HPSE2: variants seen among roughly 807,000 people sequenced by gnomAD.
The protein encoded by HPSE2 is inactive heparanase-2.
A neutral mutation model predicts 60.5 loss-of-function variants in HPSE2; 38 were observed. That is an observed-to-expected ratio of 0.63 (90% CI 0.48 to 0.82). The LOEUF is 0.82. Ranked by LOEUF, HPSE2 falls within the 40% of genes least tolerant of loss-of-function variation. The pLI, the probability that HPSE2 is intolerant of heterozygous loss-of-function variation, is 0.00. For synonymous variants in HPSE2, 295 were observed against 293.2 expected (o/e 1.01, Z -0.06); for missense variants, 713 against 740.4 (o/e 0.96, Z 0.43).
At chr10:99,215,470 G>C (rs1484337671) in intron 2 of HPSE2, among the ~76,000 whole-genome samples, 2 of 152,166 alleles carry the variant, frequency 1.3e-5, no homozygotes, top group Non-Finnish European at 1.5e-5. Context: ...GGCGGGGTAG[G>C]GGGGCGAAAG....
intron 3 of HPSE2, among the ~76,000 whole-genome samples, chr10:98,838,452 C>G (rs1951840254): frequency 6.7e-6 from 1 of 149,474 alleles, no homozygotes. Flanking sequence ...ATAATCCAGG[C>G]CTGATTCATT....
chr10:98,654,184 T>C (rs1946996781), intron 6 of HPSE2, among the ~76,000 whole-genome samples: 1 of 152,186 alleles, frequency 6.6e-6, no homozygotes, highest in Non-Finnish European at 1.5e-5. Flanking sequence ...GTAGTTTTCT[T>C]GGAATTTATC....
chr10:99,081,153 C>T (rs995262992), intron 3 of HPSE2, among the ~76,000 whole-genome samples: 3 of 152,182 alleles, frequency 2.0e-5, no homozygotes, highest in African/African-American at 7.2e-5. Flanking sequence ...AGTGTGCAAA[C>T]ATCCGAAGGT....
chr10:98,543,869 CAAT>C (rs1230827611), intron 9 of HPSE2, among the ~76,000 whole-genome samples: 2 of 151,950 alleles, frequency 1.3e-5, no homozygotes, highest in African/African-American at 4.8e-5. Flanking sequence ...GACTCCCACA[CAAT>C]AATAATGGGA....
At chr10:98,788,911 C>G (rs560306544) in intron 3 of HPSE2, among the ~76,000 whole-genome samples, 1 of 152,144 alleles carries the variant, frequency 6.6e-6, no homozygotes, top group African/African-American at 2.4e-5. Context: ...TCTTCTGCGT[C>G]GCTCACGCTG....
At chr10:98,603,573 G>A (rs1322080205) in intron 9 of HPSE2, among the ~76,000 whole-genome samples, 4 of 151,778 alleles carry the variant, frequency 2.6e-5, no homozygotes, top group African/African-American at 9.7e-5. Context: ...GGGACTACAG[G>A]CACACACCAC....
In HPSE2 at chr10:98,459,394, A is replaced by G. The variant is rs1940178219; in HGVS notation, c.*180T>C. The G allele has an allele frequency of 3.2e-5, 23 of 726,118 alleles. No individual in the cohort carries two copies. The highest frequency in any genetic ancestry group is 2.9e-5 in the Non-Finnish European group (12 of 411,774). 45.0% of individuals were successfully genotyped at this position (726,118 alleles called of 1,614,324 possible). A position where few individuals can be genotyped will look rare whatever the true frequency, so the allele number is the denominator to read the frequency against. On this transcript the variant is annotated 3_prime_UTR_variant, in exon 12 of 12. Transcript: ENST00000370552. ...TTTTCCTTTGGGATGGATGTGGCCT[A>G]CCTAGGCTAAGATCACGCTATGACA...
chr10:99,156,469 C>T (rs1209530686), intron 2 of HPSE2, among the ~76,000 whole-genome samples: 1 of 136,286 alleles, frequency 7.3e-6, no homozygotes, highest in African/African-American at 2.6e-5. Context: ...TAAATGTAAT[C>T]CAGCATATAA....
intron 3 of HPSE2, among the ~76,000 whole-genome samples, chr10:99,104,288 G>GA (rs1317043108): frequency 4.0e-5 from 6 of 151,850 alleles, no homozygotes; most frequent in African/African-American, 7.3e-5. Context: ...AAATTTACAA[G>GA]AAAAAAACAA....
At chr10:98,712,644 T>C (rs1478818256) in intron 5 of HPSE2, among the ~76,000 whole-genome samples, 1 of 152,150 alleles carries the variant, frequency 6.6e-6, no homozygotes, top group Non-Finnish European at 1.5e-5. Flanking sequence ...TGGTCTGCCG[T>C]GGTGGCAAAG....
intron 6 of HPSE2, among the ~76,000 whole-genome samples, chr10:98,665,727 C>A (rs781517907): frequency 4.7e-4 from 71 of 152,122 alleles, no homozygotes; most frequent in Non-Finnish European, 8.5e-4. Flanking sequence ...TCTCAGACAA[C>A]CAAACAGTAA....
chr10:98,508,365 T>A (rs7899619), intron 9 of HPSE2, among the ~76,000 whole-genome samples: 4 of 152,132 alleles, frequency 2.6e-5, no homozygotes, highest in African/African-American at 7.2e-5. Flanking sequence ...CTGACAGAAG[T>A]TTACAGAATT....
At chr10:98,740,446 T>C (rs1296726545) in intron 4 of HPSE2, among the ~76,000 whole-genome samples, 2 of 152,186 alleles carry the variant, frequency 1.3e-5, no homozygotes, top group Non-Finnish European at 2.9e-5. Context: ...GTGCTGGGAT[T>C]ACAGGTGTGA....
At chr10:98,989,087 G>C (rs1245898278) in intron 3 of HPSE2, among the ~76,000 whole-genome samples, 1 of 151,912 alleles carries the variant, frequency 6.6e-6, no homozygotes, top group Admixed American at 6.6e-5. Context: ...AGTCAGTGTG[G>C]CGATTCCTCA....
intron 3 of HPSE2, among the ~76,000 whole-genome samples, chr10:98,767,689 AT>A (rs1424142447): frequency 6.9e-6 from 1 of 145,592 alleles, no homozygotes; most frequent in African/African-American, 2.5e-5. Context: ...TTATATCAAT[AT>A]TTTTATACAT....
intron 9 of HPSE2, among the ~76,000 whole-genome samples, chr10:98,608,524 G>A (rs1945658466): frequency 6.6e-6 from 1 of 152,194 alleles, no homozygotes; most frequent in Non-Finnish European, 1.5e-5. Context: ...GCAGAGCACA[G>A]GCTCTGATTT....
intron 4 of HPSE2, among the ~76,000 whole-genome samples, chr10:98,726,026 C>T (rs1949068563): frequency 1.3e-5 from 2 of 152,272 alleles, no homozygotes; most frequent in South Asian, 4.2e-4. Flanking sequence ...AACACTTTTA[C>T]ACCATTGGTG....
chr10:98,708,971 G>C (rs1047483012), intron 5 of HPSE2, among the ~76,000 whole-genome samples: 2 of 152,150 alleles, frequency 1.3e-5, no homozygotes, highest in African/African-American at 4.8e-5. Flanking sequence ...CTGCCCCCAT[G>C]AACCTTCCCT....
intron 3 of HPSE2, among the ~76,000 whole-genome samples, chr10:99,028,427 A>G (rs574110312): frequency 6.6e-6 from 1 of 152,288 alleles, no homozygotes; most frequent in African/African-American, 2.4e-5. Flanking sequence ...GAATTAACCA[A>G]AGAAGTGAAA....
Sources: allele counts gnomAD v4.1 joint callset (sites outside exome capture counted in the v4.1 genomes callset), GRCh38; gene constraint gnomAD v4.1.1; transcripts MANE v1.5; gene names NCBI Gene and HGNC (gene_info 2026-07-23, HGNC 2026-07-21).